Variants in SBF2 observed in about 807,000 individuals in gnomAD.
The protein encoded by SBF2 is myotubularin-related protein 13.
A neutral mutation model predicts 225.2 loss-of-function variants in SBF2; 112 were observed. That is an observed-to-expected ratio of 0.50 (90% CI 0.43 to 0.58). The LOEUF (loss-of-function observed/expected upper bound fraction) is 0.58. Among genes scored for constraint, SBF2 ranks in the 20% least tolerant of loss-of-function variants. The pLI, the probability that SBF2 is intolerant of heterozygous loss-of-function variation, is 0.00. For missense variants in SBF2, 1,996 were observed against 2,206.2 expected (o/e 0.90, Z 1.91); for synonymous variants, 763 against 773.3 (o/e 0.99, Z 0.22).
intron 2 of SBF2, among the ~76,000 whole-genome samples, chr11:10,102,849 C>T (rs1952369493): frequency 6.6e-6 from 1 of 152,104 alleles, no homozygotes; most frequent in Admixed American, 6.6e-5. Context: ...TTATGAAAAT[C>T]TTACCTTATG....
chr11:9,956,807 A>C (rs568406439), intron 16 of SBF2: 7 of 152,328 alleles, frequency 4.6e-5, no homozygotes, highest in African/African-American at 1.7e-4. Flanking sequence ...CAAAAGAAAA[A>C]AATAACTGCT....
chr11:10,181,959 T>C (rs1956753121), intron 2 of SBF2, among the ~76,000 whole-genome samples: 1 of 152,198 alleles, frequency 6.6e-6, no homozygotes, highest in Non-Finnish European at 1.5e-5. Context: ...TGTACATTGG[T>C]GACTTTTTAT....
chr11:9,876,226 T>C (rs1430264051), intron 17 of SBF2, among the ~76,000 whole-genome samples: 1 of 152,202 alleles, frequency 6.6e-6, no homozygotes, highest in Non-Finnish European at 1.5e-5. Context: ...TCAAGCTGTT[T>C]CATCTACTTG....
chr11:9,967,198 CG>C (rs1212805425), intron 14 of SBF2, among the ~76,000 whole-genome samples: 4 of 151,908 alleles, frequency 2.6e-5, no homozygotes, highest in African/African-American at 9.7e-5. Flanking sequence ...AGTGAAACCC[CG>C]TCTCTACTAA....
intron 2 of SBF2, among the ~76,000 whole-genome samples, chr11:10,178,529 C>T (rs1199227881): frequency 3.3e-5 from 5 of 149,862 alleles, no homozygotes; most frequent in African/African-American, 7.4e-5. Context: ...AAAAAGTGGG[C>T]GAAGGACATG....
chr11:9,939,954 A>C (rs1329361485), intron 16 of SBF2, among the ~76,000 whole-genome samples: 1 of 152,206 alleles, frequency 6.6e-6, no homozygotes, highest in Non-Finnish European at 1.5e-5. Flanking sequence ...TTTTCAGGGG[A>C]AACACAGCAT....
At chr11:9,805,725 C>A (rs754487981) in intron 32 of SBF2, among the ~76,000 whole-genome samples, 3 of 152,142 alleles carry the variant, frequency 2.0e-5, no homozygotes, top group South Asian at 2.1e-4. Context: ...CGGGTTCAAG[C>A]GATTCTCCTG....
upstream of SBF2, among the ~76,000 whole-genome samples, chr11:10,297,663 G>T (rs1482751054): frequency 6.6e-6 from 1 of 152,072 alleles, no homozygotes; most frequent in Non-Finnish European, 1.5e-5. Context: ...TTGTTTTTAA[G>T]CCTAGAATCA....
chr11:10,078,859 C>T (rs1442709020), intron 2 of SBF2, among the ~76,000 whole-genome samples: 1 of 152,130 alleles, frequency 6.6e-6, no homozygotes, highest in Non-Finnish European at 1.5e-5. Flanking sequence ...CAACACCACA[C>T]CCTGGCTACT....
chr11:9,947,944 G>A (rs1865658663), intron 16 of SBF2, among the ~76,000 whole-genome samples: 1 of 152,078 alleles, frequency 6.6e-6, no homozygotes, highest in Non-Finnish European at 1.5e-5. Flanking sequence ...TGTATACTCA[G>A]AATAACTGAA....
At position 10,303,089 on chromosome 11, in the gene SBF2, G is replaced by A. The variant is rs1964612651; in HGVS notation, n.386+1403C>T. The stretch of plus-strand genomic sequence containing the variant: ...GGATAAAGTGAAAGGAAAAGGAAAT[G>A]GGAGACAAGGGAGAAGAACAATAGT... On this transcript the variant is annotated intron_variant and non_coding_transcript_variant, in intron 1 of 5. Transcript: ENST00000685217. The surrounding 1 kb of genome is among the most constrained non-coding windows in gnomAD (Gnocchi z 5.2). 6.6e-6 allele frequency: 1 copy of A among 152,382 alleles called. No individual in the cohort carries two copies. The highest frequency in any genetic ancestry group is 2.1e-4 in the South Asian group (1 of 4,828). The allele number at this position is 152,382 out of a possible 1,614,324, so 9.4% of individuals were successfully genotyped here.
At position 9,992,280 on chromosome 11, in the gene SBF2, A is replaced by G. The variant is rs924421791; in HGVS notation, c.1296+135T>C. On this transcript the variant is annotated intron_variant, in intron 12 of 39. Coordinates refer to ENST00000256190, the MANE Select transcript of SBF2 (RefSeq NM_030962.4). ...ATTAAAATATCGAGATTTGATAAGC[A>G]TAATAAATAACATTGGGATTATTTA... 12 of 662,694 alleles carry G rather than the reference A, an allele frequency of 1.8e-5. No homozygotes were observed. The African/African-American group carries it at 2.2e-4, about 12-fold the overall frequency. 41.1% of individuals were successfully genotyped at this position (662,694 alleles called of 1,614,324 possible).
intron 23 of SBF2, among the ~76,000 whole-genome samples, chr11:9,846,097 A>T (rs763891146): frequency 2.0e-5 from 3 of 152,188 alleles, no homozygotes; most frequent in Non-Finnish European, 4.4e-5. Flanking sequence ...AGATACAACA[A>T]ATGTAGGAAG....
At chr11:9,940,336 C>T (rs996006292) in intron 16 of SBF2, among the ~76,000 whole-genome samples, 5 of 152,032 alleles carry the variant, frequency 3.3e-5, no homozygotes, top group Admixed American at 6.6e-5. Flanking sequence ...ACCTGGGAGG[C>T]GGAGCTTGCA....
At chr11:9,882,649 A>G (rs1859894686) in intron 17 of SBF2, among the ~76,000 whole-genome samples, 1 of 152,100 alleles carries the variant, frequency 6.6e-6, no homozygotes, top group Non-Finnish European at 1.5e-5. Context: ...TCTACTAAAA[A>G]TACTAAAATT....
intron 16 of SBF2, among the ~76,000 whole-genome samples, chr11:9,937,346 T>C (rs1864964037): frequency 6.6e-6 from 1 of 152,054 alleles, no homozygotes; most frequent in Non-Finnish European, 1.5e-5. Context: ...AAAAAATTTA[T>C]CAATTTCATC....
chr11:9,843,351 T>C (rs1856301887), intron 24 of SBF2, among the ~76,000 whole-genome samples: 1 of 152,188 alleles, frequency 6.6e-6, no homozygotes, highest in African/African-American at 2.4e-5. Flanking sequence ...ATAATTCCCC[T>C]TTTTTGAAGG....
At chr11:10,013,618 T>C (rs1420219016) in intron 6 of SBF2, among the ~76,000 whole-genome samples, 1 of 152,252 alleles carries the variant, frequency 6.6e-6, no homozygotes, top group African/African-American at 2.4e-5. Context: ...TCCTAAATTT[T>C]GTCCAATGCT....
chr11:10,044,988 T>C (rs1949796164), intron 2 of SBF2, among the ~76,000 whole-genome samples: 1 of 152,174 alleles, frequency 6.6e-6, no homozygotes, highest in African/African-American at 2.4e-5. Flanking sequence ...GCCTGGGCTC[T>C]ATAGTCAGCC....
Sources: gnomAD v4.1 joint callset for allele counts (sites outside exome capture counted in the v4.1 genomes callset) on GRCh38, gnomAD v4.1.1 for gene constraint, Gnocchi (gnomAD v3.1) non-coding constraint, MANE v1.5 for transcripts, NCBI Gene and HGNC (gene_info 2026-07-23, HGNC 2026-07-21) for gene names.